TTN: variants seen among roughly 807,000 people sequenced by gnomAD.
TTN encodes titin, also known as connectin.
TTN carries 1,525 observed loss-of-function variants against 3,223.0 expected under a neutral mutation model. The ratio of observed to expected loss-of-function variants is 0.47; its 90% CI spans 0.45 to 0.49. TTN has a LOEUF of 0.49. Among genes scored for constraint, TTN ranks in the 20% least tolerant of loss-of-function variants. The pLI is 0.00. For synonymous variants in TTN, 14,094 were observed against 15,161.0 expected (o/e 0.93, Z 5.17); for missense variants, 40,786 against 43,424.0 (o/e 0.94, Z 5.40).
chr2:178,788,786 A>G (rs2093338881), intron 13 of TTN, among the ~76,000 whole-genome samples: 1 of 152,044 alleles, frequency 6.6e-6, no homozygotes, highest in South Asian at 2.1e-4. Context: ...TTCCTTCTCT[A>G]GATTTTAATA....
intron 92 of TTN, chr2:178,713,634 A>G: frequency 4.3e-6 from 3 of 697,654 alleles, no homozygotes; most frequent in Non-Finnish European, 6.8e-6. Flanking sequence ...TTATTTCAGC[A>G]TAAATGAAGA....
chr2:178,682,165 T>A (rs941866175), intron 135 of TTN, among the ~76,000 whole-genome samples: 1 of 152,042 alleles, frequency 6.6e-6, no homozygotes, highest in Non-Finnish European at 1.5e-5. Context: ...CCAAACTATA[T>A]GCCAACAAAT....
At chr2:178,769,193 C>G (rs1157353620) in intron 37 of TTN, among the ~76,000 whole-genome samples, 1 of 151,582 alleles carries the variant, frequency 6.6e-6, no homozygotes, top group Non-Finnish European at 1.5e-5. Context: ...ACATTTTATC[C>G]AGGTGGAGAT....
intron 48 of TTN, among the ~76,000 whole-genome samples, chr2:178,738,699 C>T (rs2081959312): frequency 6.6e-6 from 1 of 151,110 alleles, no homozygotes. Context: ...ACATGATATA[C>T]TAAATAAAGT....
chr2:178,527,841 C>T, intron 361 of TTN, 93 bp from the exon 362 acceptor site: 1 of 1,217,822 alleles, frequency 8.2e-7, no homozygotes, highest in Non-Finnish European at 1.1e-6. Context: ...AACTTCAACA[C>T]ACACACAGCA....
chr2:178,599,555 C>G lies in TTN; in HGVS notation c.56346G>C (p.Leu18782=), dbSNP rs569796160. 2 of 1,560,442 alleles carry G rather than the reference C, an allele frequency of 1.3e-6. No homozygotes were observed. The highest frequency in any genetic ancestry group is 2.7e-5 in the African/African-American group (2 of 73,068). ...TASKEMRLNV[L]GRPGPPVGPI... ...TTAACCAAACCATGCAGTCTTTACCCAGGACATTCAGTCTCATCTCCTTTG... is the reference window on the plus strand; with the variant it reads ...TTAACCAAACCATGCAGTCTTTACCGAGGACATTCAGTCTCATCTCCTTTG... Residue 18782 remains leucine, a splice_region_variant and synonymous_variant, in exon 289 of 363, where the codon CTG becomes CTC. Coordinates refer to ENST00000589042, the MANE Select transcript of TTN (RefSeq NM_001267550.2).
rs779645034 is a variant in TTN, at chr2:178,538,765, G to T, written c.99064C>A (p.Pro33022Thr). 2 of 1,613,450 alleles carry T rather than the reference G, an allele frequency of 1.2e-6. No homozygotes were observed. Among genetic ancestry groups the T allele is most frequent in the African/African-American group, 1.3e-5 (1 of 74,858 alleles). ...ATTTCTTTACCACCATCACATTCAG[G>T]TTTCTCCCACTGTAGAGTGACACTA... ...KDSVTLQWEK[P>T]ECDGGKEILG... Residue 33022 changes from proline to threonine, a missense_variant, in exon 354 of 363, where the codon CCT (proline) becomes ACT (threonine). Transcript: ENST00000589042.
chr2:178,807,092 C>A (rs2094348103), intron 1 of TTN, 120 bp downstream of exon 1: 2 of 152,172 alleles, frequency 1.3e-5, no homozygotes, highest in African/African-American at 4.8e-5. Context: ...TGGGTCAGCA[C>A]TGGCAAGAAA....
In TTN at chr2:178,701,107, T is replaced by C. The variant is rs767280574; in HGVS notation, c.30682+13A>G. 53 of 1,608,496 alleles carry C rather than the reference T, an allele frequency of 3.3e-5. No individual in the cohort carries two copies. Among genetic ancestry groups the C allele is most frequent in the Middle Eastern group, 3.3e-4 (2 of 6,068 alleles). On this transcript the variant is annotated intron_variant, in intron 111 of 362. Transcript: ENST00000589042. ...ATTCTTATTTCGACATCTAGGTAGA[T>C]GAGGTATAATACCTTCAATACGTTT...
chr2:178,677,448 T>C (rs1287455884), intron 146 of TTN, 161 bp from the exon 147 acceptor site: 1 of 714,328 alleles, frequency 1.4e-6, no homozygotes, highest in Non-Finnish European at 2.1e-6. Context: ...AATAGACAGA[T>C]ACACAAGGCA....
chr2:178,753,228 A>T, intron 46 of TTN, 48 bp from the exon 47 acceptor site: 1 of 1,412,850 alleles, frequency 7.1e-7, no homozygotes, highest in Non-Finnish European at 1.0e-6. Flanking sequence ...AATTGCATAT[A>T]TTTTCTGCAT....
chr2:178,618,493 T>A lies in TTN; in HGVS notation c.46967-2A>T. On this transcript the variant is annotated splice_acceptor_variant, in intron 251 of 362. Transcript: ENST00000589042. LOFTEE classifies it high-confidence loss of function. ...AGTTACGTACTGGCCCAGGAACATC[T>A]GAAATTCACATATAGAGGAATTTTT... The A allele has an allele frequency of 6.2e-7, 1 of 1,610,942 alleles. No individual in the cohort carries two copies. Among genetic ancestry groups the A allele is most frequent in the East Asian group, 2.2e-5 (1 of 44,654 alleles).
At chr2:178,745,332 A>G in intron 47 of TTN, 5 of 1,331,864 alleles carry the variant, frequency 3.8e-6, no homozygotes, top group Non-Finnish European at 4.8e-6. Context: ...GTAGCCAAGG[A>G]GAGATTTAAT....
rs1416069799 is a variant in TTN, at chr2:178,707,641, A to AAAG, written c.28925_28926insCTT (p.Ser9642_Gly9643insPhe). The AAAG allele has an allele frequency of 4.3e-6, 7 of 1,613,912 alleles. No homozygotes were observed. Among genetic ancestry groups the AAAG allele is most frequent in the Admixed American group, 1.7e-5 (1 of 59,988 alleles). On this transcript the variant is annotated inframe_insertion, in exon 100 of 363. Transcript: ENST00000589042. ...CTCTGAGTTCCAGTACAGCTGTCCC[A>AAAG]CTAGCAAAGCTGAAGCTGCATCTGT... is the stretch of plus-strand genomic sequence containing the variant.
Position 178,564,001 on chromosome 2 carries a change from C to T in TTN, c.82131G>A (p.Leu27377=). The T allele has an allele frequency of 6.2e-7, 1 of 1,613,694 alleles. No homozygotes were observed. Among genetic ancestry groups the T allele is most frequent in the Non-Finnish European group, 8.5e-7 (1 of 1,179,724 alleles). The change falls in exon 326 of 363, where the codon CTG becomes CTA. Residue 27377 remains leucine (L), a synonymous_variant. Coordinates refer to ENST00000589042, the MANE Select transcript of TTN (RefSeq NM_001267550.2). ...TTTCCGCAGTAACTCCAGTAACTTT[C>T]AGAGGCCCTTCAGGAGGCCCTGGCC... is the stretch of plus-strand genomic sequence containing the variant. ...LDRPGPPEGP[L]KVTGVTAEKC... is the part of the protein sequence containing the mutation.
At chr2:178,749,930 G>A (rs749197437) in intron 47 of TTN, 5 of 1,613,068 alleles carry the variant, frequency 3.1e-6, no homozygotes, top group Non-Finnish European at 4.2e-6. Flanking sequence ...CATTTTTGGT[G>A]GTTCATTAGT....
intron 111 of TTN, among the ~76,000 whole-genome samples, chr2:178,699,338 A>C (rs991382817): frequency 7.0e-6 from 1 of 143,564 alleles, no homozygotes; most frequent in Admixed American, 7.2e-5. Context: ...ACGGTTCCTA[A>C]TCATACTTGA....
In TTN at chr2:178,789,401, T is replaced by C. The variant is rs1554027460; in HGVS notation, c.2035A>G (p.Met679Val). ...TGGATTTGTTCTTGTCTAGTAGCCA[T>C]AGTTTCTCTAGTTCTCAGTATTGTT... ...QETILRTRET[M>V]ATRQEQIQVT... The change falls in exon 13 of 363, where the codon ATG becomes GTG. Residue 679 changes from methionine to valine, a missense_variant. By Grantham distance (21) the Met-to-Val change is conservative (BLOSUM62 1). Coordinates refer to ENST00000589042, the MANE Select transcript of TTN (RefSeq NM_001267550.2). 3 of 1,613,426 alleles carry C rather than the reference T, an allele frequency of 1.9e-6. No homozygotes were observed. The highest frequency in any genetic ancestry group is 2.5e-6 in the Non-Finnish European group (3 of 1,179,558).
intron 245 of TTN, 24 bp downstream of exon 245, chr2:178,621,451 G>T (rs879213996): frequency 8.1e-6 from 13 of 1,609,764 alleles, no homozygotes; most frequent in Non-Finnish European, 7.6e-6. Context: ...AGAAATAAAA[G>T]ATTATTCACT....
Sources: allele counts gnomAD v4.1 joint callset (sites outside exome capture counted in the v4.1 genomes callset), GRCh38; gene constraint gnomAD v4.1.1; transcripts MANE v1.5; gene names NCBI Gene and HGNC (gene_info 2026-07-23, HGNC 2026-07-21).